HRNR: variants seen among roughly 807,000 people sequenced by gnomAD.
HRNR encodes the protein filaggrin family member 3.
A neutral mutation model predicts 4.8 loss-of-function variants in HRNR; 7 were observed. The observed-to-expected ratio is 1.47, with a 90% CI of 0.83 to 2.75. The LOEUF (loss-of-function observed/expected upper bound fraction) is 2.75. Among genes scored for constraint, HRNR ranks in the 30% most tolerant of loss-of-function variants. The probability of loss-of-function intolerance (pLI) is 0.00; values close to 1 mark genes in which losing one functional copy is unlikely to be tolerated. For synonymous variants in HRNR, 1,023 were observed against 1,242.7 expected (o/e 0.82, Z 3.72); for missense variants, 2,879 against 3,010.4 (o/e 0.96, Z 1.02).
chr1:152,223,044 A>G lies in HRNR; in HGVS notation c.138+72T>C, dbSNP rs1232875282. 3 of 1,444,558 alleles carry G rather than the reference A, an allele frequency of 2.1e-6. No homozygotes were observed. The African/African-American group carries it at 4.2e-5, about 20-fold the overall frequency. The allele number at this position is 1,444,558 out of a possible 1,614,324, so 89.5% of individuals were successfully genotyped here. A position where few individuals can be genotyped will look rare whatever the true frequency, so the allele number is the denominator to read the frequency against. ...GACAATCCTCTAGGATGTTTGACAT[A>G]TGTGACAAGAAGGTGGAAAGGGATA... On this transcript the variant is annotated intron_variant, in intron 2 of 2. Coordinates refer to ENST00000368801, the MANE Select transcript of HRNR (RefSeq NM_001009931.3).
chr1:152,220,420 A>T lies in HRNR; in HGVS notation c.1209T>A (p.His403Gln), dbSNP rs776569245. Reference protein sequence around the residue: ...SSRQSSSYGQHESASRHSSGR... With the variant: ...SSRQSSSYGQQESASRHSSGR... ...CTGAAGAGTGACGGGAGGCAGACTC[A>T]TGCTGACCATAGCTGGAAGACTGAC... The change falls in exon 3 of 3, where the codon CAT (histidine) becomes CAA (glutamine). Residue 403 changes from histidine to glutamine, a missense_variant. Transcript: ENST00000368801. 11 of 1,614,056 alleles carry T rather than the reference A, an allele frequency of 6.8e-6. No homozygotes were observed. Among genetic ancestry groups the T allele is most frequent in the South Asian group, 6.6e-5 (6 of 91,074 alleles).
Position 152,212,918 on chromosome 1 carries a change from A to T in HRNR, c.*158T>A. ...TGGAAGGAACCCCATAACAAGATAT[A>T]TGCTACAGTTTTAGGCTCTAAAGAA... On this transcript the variant is annotated 3_prime_UTR_variant, in exon 3 of 3. Coordinates refer to ENST00000368801, the MANE Select transcript of HRNR (RefSeq NM_001009931.3). The T allele has an allele frequency of 1.0e-6, 1 of 990,566 alleles. No homozygotes were observed. Among genetic ancestry groups the T allele is most frequent in the Non-Finnish European group, 1.5e-6 (1 of 688,756 alleles). 61.4% of individuals were successfully genotyped at this position (990,566 alleles called of 1,614,324 possible).
rs777327721 is a variant in HRNR, at chr1:152,219,465, G to T, written c.2164C>A (p.His722Asn). ...GYSQHGSGSS[H>N]SSGYRKHGSR... ...CCGTGTTTTCTGTAGCCGGAGGAGT[G>T]ACTTGAGCCAGATCCATGCTGACTG... Residue 722 changes from histidine (H) to asparagine (N), a missense_variant, in exon 3 of 3, where the codon CAC (histidine) becomes AAC (asparagine). Transcript: ENST00000368801. 9 of 1,613,992 alleles carry T rather than the reference G, an allele frequency of 5.6e-6. No homozygotes were observed. The highest frequency in any genetic ancestry group is 7.6e-6 in the Non-Finnish European group (9 of 1,179,996).
Position 152,219,429 on chromosome 1 carries a change from C to G in HRNR, c.2200G>C (p.Gly734Arg), listed in dbSNP as rs768653010. ...SGYRKHGSRS[G>R]QSSRSEQHGS... ...TGTTGTTCACTCCTAGATGACTGTC[C>G]TGACCTAGAGCCGTGTTTTCTGTAG... Residue 734 changes from glycine to arginine, a missense_variant, in exon 3 of 3, where the codon GGA (glycine) becomes CGA (arginine). Gly to Arg is a moderately radical substitution (Grantham distance 125). Coordinates refer to ENST00000368801, the MANE Select transcript of HRNR (RefSeq NM_001009931.3). 3 of 1,614,094 alleles carry G rather than the reference C, an allele frequency of 1.9e-6. No homozygotes were observed. The highest frequency in any genetic ancestry group is 2.5e-6 in the Non-Finnish European group (3 of 1,180,026).
chr1:152,219,348 G>C lies in HRNR; in HGVS notation c.2281C>G (p.Gln761Glu), dbSNP rs370044545. ...SYGQHGSGSH[Q>E]SSGHGRQGSG... Reference sequence around the variant, plus strand: ...CCTTGTCGGCCGTGGCCCGAAGATTGATGGGAGCCCGACCCATGCTGACCA... The same window carrying C: ...CCTTGTCGGCCGTGGCCCGAAGATTCATGGGAGCCCGACCCATGCTGACCA... Residue 761 changes from glutamine to glutamate, a missense_variant, in exon 3 of 3, where the codon CAA becomes GAA. Physicochemically the swap from Gln to Glu is conservative, Grantham distance 29 (BLOSUM62 2). This residue lies in a region of HRNR where 2,646 missense variants were observed against 1,377.7 expected (regional missense o/e 1.92). Transcript: ENST00000368801. 8.1e-6 allele frequency: 13 copies of C among 1,613,788 alleles called. No individual in the cohort carries two copies. The highest frequency in any genetic ancestry group is 1.3e-5 in the African/African-American group (1 of 74,818).
chr1:152,219,940 A>T lies in HRNR; in HGVS notation c.1689T>A (p.Tyr563Ter). 1 of 1,613,208 alleles carries T rather than the reference A, an allele frequency of 6.2e-7. No homozygotes were observed. Among genetic ancestry groups the T allele is most frequent in the Non-Finnish European group, 8.5e-7 (1 of 1,179,602 alleles). ...CACGGCTTGAAGACCTCCCTGAGCCATACCCATGTGGGCCATAGCTGGAAG... is the reference window on the plus strand; with the variant it reads ...CACGGCTTGAAGACCTCCCTGAGCCTTACCCATGTGGGCCATAGCTGGAAG... ...RQSSSYGPHG[Y>*]GSGRSSSRGP... is the part of the protein sequence containing the mutation. The change falls in exon 3 of 3, where the codon TAT (tyrosine) becomes TAA (stop). Residue 563 changes from tyrosine (Y) to a stop codon, truncating the protein, a stop_gained. Transcript: ENST00000368801. LOFTEE classifies it low-confidence loss of function (END_TRUNC).
chr1:152,222,882 GA>G (rs1367906384), intron 2 of HRNR, among the ~76,000 whole-genome samples: 6 of 152,144 alleles, frequency 3.9e-5, no homozygotes, highest in African/African-American at 9.7e-5. Context: ...ACTTAGATAG[GA>G]CATTATTTAA....
Position 152,213,132 on chromosome 1 carries a change from T to A in HRNR, c.8497A>T (p.Ser2833Cys), listed in dbSNP as rs1164889204. Residue 2833 changes from serine to cysteine, a missense_variant, in exon 3 of 3, where the codon AGT (serine) becomes TGT (cysteine). Ser to Cys is a moderately radical substitution (Grantham distance 112, BLOSUM62 -1). Transcript: ENST00000368801. ...ACATATTCATAGGGTGAAGTGCTACTAGGAAAACTGAGAAAATATGAGCCA... is the reference window on the plus strand; with the variant it reads ...ACATATTCATAGGGTGAAGTGCTACAAGGAAAACTGAGAAAATATGAGCCA... ...SSGSYFLSFP[S>C]STSPYEYVQE... The A allele has an allele frequency of 1.9e-6, 3 of 1,613,898 alleles. No homozygotes were observed. The highest frequency in any genetic ancestry group is 2.5e-6 in the Non-Finnish European group (3 of 1,180,042).
rs1474429667 is a variant in HRNR, at chr1:152,212,470, T to C, written c.*606A>G. ...TGGGAAAAGACCCTGATGCTACTTT[T>C]TTATGCCACTAATTAACTTACTGAT... On this transcript the variant is annotated 3_prime_UTR_variant, in exon 3 of 3. Transcript: ENST00000368801. 1 of 152,948 alleles carries C rather than the reference T, an allele frequency of 6.5e-6. No homozygotes were observed. The highest frequency in any genetic ancestry group is 6.5e-5 in the Admixed American group (1 of 15,372). 9.5% of individuals were successfully genotyped at this position (152,948 alleles called of 1,614,324 possible). A position where few individuals can be genotyped will look rare whatever the true frequency, so the allele number is the denominator to read the frequency against.
At position 152,219,644 on chromosome 1, in the gene HRNR, C is replaced by A. The variant is rs146400284; in HGVS notation, c.1985G>T (p.Arg662Leu). 4.3e-6 allele frequency: 7 copies of A among 1,612,856 alleles called. No homozygotes were observed. The South Asian group carries it at 5.5e-5, about 13-fold the overall frequency. Residue 662 changes from arginine (R) to leucine (L), a missense_variant, in exon 3 of 3, where the codon CGC (arginine) becomes CTC (leucine). This residue lies in a region of HRNR where 2,646 missense variants were observed against 1,377.7 expected (regional missense o/e 1.92). Transcript: ENST00000368801. Reference sequence around the variant, plus strand: ...CCCAAAATCGGACCCATGTCGGCCGCGACTAGGAGACTGGCCAGATCCAGA... The same window carrying A: ...CCCAAAATCGGACCCATGTCGGCCGAGACTAGGAGACTGGCCAGATCCAGA... The part of the protein sequence containing the change: ...QGSGSGQSPS[R>L]GRHGSDFGHS...
Position 152,219,227 on chromosome 1 carries a change from G to A in HRNR, c.2402C>T (p.Ser801Phe), listed in dbSNP as rs1361467442. The change falls in exon 3 of 3, where the codon TCT becomes TTT. Residue 801 changes from serine to phenylalanine, a missense_variant. Transcript: ENST00000368801. Reference protein sequence around the residue: ...HGQHGSGTSCSSSCGHYESGS... With the variant: ...HGQHGSGTSCFSSCGHYESGS... Reference sequence around the variant, plus strand: ...AGACTCATAATGGCCACAGCTGGAAGAACAACTTGTGCCAGACCCGTGTTG... The same window carrying A: ...AGACTCATAATGGCCACAGCTGGAAAAACAACTTGTGCCAGACCCGTGTTG... 5.0e-6 allele frequency: 8 copies of A among 1,613,870 alleles called. No individual in the cohort carries two copies. The highest frequency in any genetic ancestry group is 1.1e-5 in the South Asian group (1 of 91,068).
In HRNR at chr1:152,219,652, A is replaced by G. The variant is rs1460959282; in HGVS notation, c.1977T>C (p.Ser659=). 6 of 1,612,900 alleles carry G rather than the reference A, an allele frequency of 3.7e-6. No homozygotes were observed. The African/African-American group carries it at 6.7e-5, about 18-fold the overall frequency. The change falls in exon 3 of 3, where the codon TCT becomes TCC. Residue 659 remains serine (S), a synonymous_variant. Transcript: ENST00000368801. ...YGQQGSGSGQ[S]PSRGRHGSDF... ...CGGACCCATGTCGGCCGCGACTAGG[A>G]GACTGGCCAGATCCAGAGCCCTGTT...
intron 2 of HRNR, 35 bp downstream of exon 2, chr1:152,223,081 T>G (rs1335164170): frequency 6.2e-7 from 1 of 1,605,788 alleles, no homozygotes; most frequent in African/African-American, 1.3e-5. Context: ...AGAAGAAAAT[T>G]CCTGCATAAC....
intron 1 of HRNR, among the ~76,000 whole-genome samples, chr1:152,223,679 C>T (rs1649075119): frequency 6.6e-6 from 1 of 152,184 alleles, no homozygotes; most frequent in African/African-American, 2.4e-5. Flanking sequence ...ATGCCTTACT[C>T]AACCTAAGGA....
chr1:152,220,885 T>A lies in HRNR; in HGVS notation c.744A>T (p.Gly248=). The change falls in exon 3 of 3, where the codon GGA becomes GGT. Residue 248 remains glycine (G), a synonymous_variant. Coordinates refer to ENST00000368801, the MANE Select transcript of HRNR (RefSeq NM_001009931.3). Reference sequence around the variant, plus strand: ...AGCCAGAGGAGTGACCTGAGCCAGATCCATGCTGACTGTAACCAGAGGACT... The same window carrying A: ...AGCCAGAGGAGTGACCTGAGCCAGAACCATGCTGACTGTAACCAGAGGACT... ...SGQSSGYSQH[G]SGSGHSSGYG... The A allele has an allele frequency of 1.2e-6, 2 of 1,613,554 alleles. No individual in the cohort carries two copies. The highest frequency in any genetic ancestry group is 1.7e-4 in the Middle Eastern group (1 of 6,058).
Position 152,219,693 on chromosome 1 carries a change from A to G in HRNR, c.1936T>C (p.Ser646Pro). ...GAGCCCTGTTGGCCATAGCGAGAAG[A>G]CTGACTTGAGCCAGAGCCATGCTGA... ...HGQHGSGSSQSSRYGQQGSGS... is the reference protein window; with the variant it reads ...HGQHGSGSSQPSRYGQQGSGS... Residue 646 changes from serine (S) to proline (P), a missense_variant, in exon 3 of 3, where the codon TCT (serine) becomes CCT (proline). Physicochemically the swap from Ser to Pro is moderately conservative, Grantham distance 74. This residue lies in a region of HRNR where 2,646 missense variants were observed against 1,377.7 expected (regional missense o/e 1.92). Coordinates refer to ENST00000368801, the MANE Select transcript of HRNR (RefSeq NM_001009931.3). The G allele has an allele frequency of 1.2e-6, 2 of 1,613,378 alleles. No individual in the cohort carries two copies. Among genetic ancestry groups the G allele is most frequent in the South Asian group, 1.1e-5 (1 of 91,066 alleles).
In HRNR at chr1:152,220,244, G is replaced by A. The variant is rs569089226; in HGVS notation, c.1385C>T (p.Ser462Phe). 1 of 1,613,694 alleles carries A rather than the reference G, an allele frequency of 6.2e-7. No homozygotes were observed. Among genetic ancestry groups the A allele is most frequent in the Middle Eastern group, 1.6e-4 (1 of 6,062 alleles). ...AGACTCGTGGTGACCAAAGCCAGAA[G>A]AGTAGCCTGAACCAGACACATATGG... ...SGPYVSGSGY[S>F]SGFGHHESSS... Residue 462 changes from serine to phenylalanine, a missense_variant, in exon 3 of 3, where the codon TCT (serine) becomes TTT (phenylalanine). By Grantham distance (155) the Ser-to-Phe change is radical. Coordinates refer to ENST00000368801, the MANE Select transcript of HRNR (RefSeq NM_001009931.3).
At position 152,218,456 on chromosome 1, in the gene HRNR, C is replaced by T; in HGVS notation, c.3173G>A (p.Gly1058Glu). 1.2e-6 allele frequency: 2 copies of T among 1,613,830 alleles called. No homozygotes were observed. The highest frequency in any genetic ancestry group is 1.7e-6 in the Non-Finnish European group (2 of 1,180,024). ...SGLGHRESRSGQSSGYGQHGS... is the reference protein window; with the variant it reads ...SGLGHRESRSEQSSGYGQHGS... Reference sequence around the variant, plus strand: ...ATGTTGACCGTAGCCAGAGGACTGTCCTGAGCGAGACTCTCGGTGACCTAA... The same window carrying T: ...ATGTTGACCGTAGCCAGAGGACTGTTCTGAGCGAGACTCTCGGTGACCTAA... Residue 1058 changes from glycine to glutamate, a missense_variant, in exon 3 of 3, where the codon GGA (glycine) becomes GAA (glutamate). Gly to Glu is a moderately conservative substitution (Grantham distance 98). Transcript: ENST00000368801.
rs140001773 is a variant in HRNR, at chr1:152,219,201, C to G, written c.2428G>C (p.Gly810Arg). The G allele has an allele frequency of 3.7e-6, 6 of 1,613,794 alleles. No individual in the cohort carries two copies. Among genetic ancestry groups the G allele is most frequent in the Admixed American group, 3.3e-5 (2 of 59,998 alleles). ...CCAAAACCAGAAGCCTGGCCTGAGC[C>G]AGACTCATAATGGCCACAGCTGGAA... ...CSSSCGHYES[G>R]SGQASGFGQH... The change falls in exon 3 of 3, where the codon GGC becomes CGC. Residue 810 changes from glycine to arginine, a missense_variant. This residue lies in a region of HRNR where 2,646 missense variants were observed against 1,377.7 expected (regional missense o/e 1.92). Coordinates refer to ENST00000368801, the MANE Select transcript of HRNR (RefSeq NM_001009931.3).
Sources: allele counts gnomAD v4.1 joint callset (sites outside exome capture counted in the v4.1 genomes callset), GRCh38; gene constraint gnomAD v4.1.1; regional missense constraint gnomAD v4.1.1; transcripts MANE v1.5; gene names NCBI Gene and HGNC (gene_info 2026-07-23, HGNC 2026-07-21).